The following TMEM132C variants were observed in gnomAD, a reference collection of about 807,000 sequenced individuals.
The protein encoded by TMEM132C is transmembrane protein 132C.
In TMEM132C, 29 loss-of-function variants were observed where a neutral mutation model predicts 61.4. The observed-to-expected ratio is 0.47, with a 90% CI of 0.35 to 0.64. The LOEUF is 0.64. Ranked by LOEUF, TMEM132C falls within the 30% of genes least tolerant of loss-of-function variation. The pLI is 0.00. For missense variants in TMEM132C, 1,408 were observed against 1,476.9 expected, an observed-to-expected ratio of 0.95 and a Z score of 0.76; for synonymous variants, 656 against 633.1, an observed-to-expected ratio of 1.04 and a Z score of -0.54.
At chr12:128,500,647 C>A (rs1026022573) in intron 2 of TMEM132C, among the ~76,000 whole-genome samples, 3 of 152,086 alleles carry the variant, frequency 2.0e-5, no homozygotes, top group Non-Finnish European at 4.4e-5. Context: ...AAGGAGATAC[C>A]ACTTCACACC....
chr12:128,269,052 G>T (rs1185287584), intron 1 of TMEM132C, among the ~76,000 whole-genome samples: 1 of 151,988 alleles, frequency 6.6e-6, no homozygotes, highest in Non-Finnish European at 1.5e-5. Context: ...ACGATCTGGT[G>T]CCTGAATTCT....
At chr12:128,341,522 A>T (rs368645687) in intron 1 of TMEM132C, among the ~76,000 whole-genome samples, 2 of 152,224 alleles carry the variant, frequency 1.3e-5, no homozygotes, top group African/African-American at 2.4e-5. Context: ...CTCAGTCAAC[A>T]TTATGTAGTT....
At chr12:128,409,796 C>T (rs1417342943) in intron 1 of TMEM132C, among the ~76,000 whole-genome samples, 1 of 152,128 alleles carries the variant, frequency 6.6e-6, no homozygotes, top group African/African-American at 2.4e-5. Context: ...ACTGGGCTCC[C>T]ACCCAGTGGA....
chr12:128,269,347 C>CGTGTGTGTATGTGTGTGTGT (rs150080355), intron 1 of TMEM132C, among the ~76,000 whole-genome samples: 1 of 143,050 alleles, frequency 7.0e-6, no homozygotes, highest in African/African-American at 2.7e-5. Flanking sequence ...GCTCACATTC[C>CGTGTGTGTATGTGTGTGTGT]GTGTGTGTGT....
At chr12:128,693,160 G>A (rs1233127352) in intron 5 of TMEM132C, among the ~76,000 whole-genome samples, 1 of 152,170 alleles carries the variant, frequency 6.6e-6, no homozygotes, top group Non-Finnish European at 1.5e-5. Context: ...TGAAGAACCT[G>A]CATCAGGCCT....
At chr12:128,311,058 T>A (rs1268621032) in intron 1 of TMEM132C, among the ~76,000 whole-genome samples, 2 of 152,236 alleles carry the variant, frequency 1.3e-5, no homozygotes, top group Non-Finnish European at 2.9e-5. Context: ...ATACAAATTA[T>A]ATTATCAAAT....
chr12:128,613,270 G>A (rs558283674), intron 3 of TMEM132C, among the ~76,000 whole-genome samples: 4 of 152,290 alleles, frequency 2.6e-5, no homozygotes, highest in South Asian at 2.1e-4. Flanking sequence ...AGGTCCAGAC[G>A]TGCTTGCTAA....
intron 1 of TMEM132C, among the ~76,000 whole-genome samples, chr12:128,344,619 C>T (rs1052247421): frequency 6.6e-6 from 1 of 152,172 alleles, no homozygotes; most frequent in Non-Finnish European, 1.5e-5. Flanking sequence ...TTCTCTGCAT[C>T]CTCATCAACA....
chr12:128,698,351 G>GTGTT (rs1346841982), intron 8 of TMEM132C, among the ~76,000 whole-genome samples: 1 of 152,158 alleles, frequency 6.6e-6, no homozygotes, highest in Admixed American at 6.5e-5. Context: ...CTGCATATGG[G>GTGTT]TGTTTACCTT....
rs567411789 is a variant in TMEM132C at position 128,493,184 on chromosome 12, G to C, written c.975-50773G>C. On this transcript the variant is annotated intron_variant, in intron 2 of 8. Coordinates refer to ENST00000435159, the MANE Select transcript of TMEM132C (RefSeq NM_001136103.3). ...TAGATGTGTAGTATTATTTCTGAGG[G>C]CTCTGTTCTGTTCCATTGGTCTATA... Among the ~76,000 whole-genome samples the C allele has an allele frequency of 6.3e-4, 96 of 152,136 alleles. 1 individual carries two copies. Among genetic ancestry groups the C allele is most frequent in the African/African-American group, 1.9e-3 (79 of 41,498 alleles).
At chr12:128,443,720 C>A (rs941842590) in intron 2 of TMEM132C, among the ~76,000 whole-genome samples, 20 of 152,168 alleles carry the variant, frequency 1.3e-4, no homozygotes, top group Non-Finnish European at 2.8e-4. Context: ...TTTCATCCCG[C>A]TTCCCCACAC....
intron 5 of TMEM132C, among the ~76,000 whole-genome samples, chr12:128,681,650 G>A (rs1046089971): frequency 6.1e-5 from 7 of 114,074 alleles, no homozygotes; most frequent in African/African-American, 2.4e-4. Context: ...CTACCAGACT[G>A]TATCTTTTTT....
chr12:128,660,898 G>A (rs751290651), intron 4 of TMEM132C, among the ~76,000 whole-genome samples: 45 of 152,330 alleles, frequency 3.0e-4, no homozygotes, highest in Non-Finnish European at 5.3e-4. Flanking sequence ...ACAAGATGAG[G>A]AGGGAGGTAG....
At chr12:128,380,075 T>C (rs372493150) in intron 1 of TMEM132C, among the ~76,000 whole-genome samples, 1 of 152,256 alleles carries the variant, frequency 6.6e-6, no homozygotes, top group East Asian at 1.9e-4. Flanking sequence ...TCTCCTTTCC[T>C]CAAAGCTTCT....
At chr12:128,701,293 G>A (rs1169400893) in intron 8 of TMEM132C, among the ~76,000 whole-genome samples, 1 of 151,002 alleles carries the variant, frequency 6.6e-6, no homozygotes, top group Non-Finnish European at 1.5e-5. Flanking sequence ...GAGCTAGCAG[G>A]AGCTGAATGG....
At chr12:128,625,295 C>T (rs959486377) in intron 4 of TMEM132C, among the ~76,000 whole-genome samples, 1 of 152,206 alleles carries the variant, frequency 6.6e-6, no homozygotes, top group African/African-American at 2.4e-5. Context: ...TCAAGATCAG[C>T]AGGTTCAGTG....
chr12:128,407,290 A>G (rs1471562598), intron 1 of TMEM132C, among the ~76,000 whole-genome samples: 1 of 152,048 alleles, frequency 6.6e-6, no homozygotes, highest in Non-Finnish European at 1.5e-5. Context: ...TTTACCTTCC[A>G]CCATGATTGT....
intron 2 of TMEM132C, among the ~76,000 whole-genome samples, chr12:128,507,434 G>A (rs1362864316): frequency 8.7e-6 from 1 of 114,634 alleles, no homozygotes; most frequent in African/African-American, 3.4e-5. Flanking sequence ...ATAAGACCAA[G>A]CCATCCCCGC....
At chr12:128,289,192 A>T (rs1871175508) in intron 1 of TMEM132C, 1 of 152,106 alleles carries the variant, frequency 6.6e-6, no homozygotes, top group Non-Finnish European at 1.5e-5. Flanking sequence ...ACACCTGCAT[A>T]CTCTCACTTG....
Sources: allele counts gnomAD v4.1 joint callset (sites outside exome capture counted in the v4.1 genomes callset), GRCh38; gene constraint gnomAD v4.1.1; transcripts MANE v1.5; gene names NCBI Gene and HGNC (gene_info 2026-07-23, HGNC 2026-07-21).